P4HA1: variants seen among roughly 807,000 people sequenced by gnomAD.
P4HA1 encodes the protein prolyl 4-hydroxylase subunit alpha-1.
P4HA1 carries 24 observed loss-of-function variants against 72.8 expected under a neutral mutation model. The observed-to-expected ratio is 0.33, with a 90% CI of 0.24 to 0.46. The LOEUF (loss-of-function observed/expected upper bound fraction) is 0.46. P4HA1 is among the 20% of genes least tolerant of loss of function. The probability of loss-of-function intolerance (pLI) is 1.00; values close to 1 mark genes in which losing one functional copy is unlikely to be tolerated. For synonymous variants in P4HA1, 201 were observed against 218.8 expected, an observed-to-expected ratio of 0.92 and a Z score of 0.72; for missense variants, 446 against 640.6, an observed-to-expected ratio of 0.70 and a Z score of 3.28.
intron 10 of P4HA1, among the ~76,000 whole-genome samples, chr10:73,019,388 T>C (rs1466119008): frequency 2.0e-5 from 3 of 151,996 alleles, no homozygotes; most frequent in African/African-American, 7.3e-5. Flanking sequence ...AATATGACAC[T>C]GCTGAGAATG....
At chr10:73,066,057 T>C (rs1841413720) in intron 5 of P4HA1, among the ~76,000 whole-genome samples, 1 of 152,174 alleles carries the variant, frequency 6.6e-6, no homozygotes, top group Admixed American at 6.5e-5. Context: ...ACGCACCAAG[T>C]TCAGAATAGT....
chr10:73,033,430 T>C (rs1468188461), intron 9 of P4HA1, among the ~76,000 whole-genome samples: 1 of 152,228 alleles, frequency 6.6e-6, no homozygotes, highest in East Asian at 1.9e-4. Flanking sequence ...ACTTTCTATC[T>C]ATGCTTTTGA....
At chr10:73,047,584 G>C in intron 7 of P4HA1, among the ~76,000 whole-genome samples, 1 of 138,318 alleles carries the variant, frequency 7.2e-6, no homozygotes, top group Admixed American at 7.2e-5. Context: ...ATTTTTTTAA[G>C]GGCAAAATAA....
intron 10 of P4HA1, among the ~76,000 whole-genome samples, chr10:73,026,762 AC>A (rs1840280778): frequency 6.6e-6 from 1 of 152,248 alleles, no homozygotes; most frequent in African/African-American, 2.4e-5. Context: ...CAAGAAAAAA[AC>A]AACCCCATCA....
chr10:73,021,160 A>G (rs79188145), intron 10 of P4HA1, among the ~76,000 whole-genome samples: 32,592 of 151,974 alleles, frequency 0.21, 6,605 homozygotes, highest in African/African-American at 0.52. Context: ...AAAAAACCCA[A>G]AAATAACAGA....
chr10:73,054,735 A>G (rs1406976525), intron 5 of P4HA1, among the ~76,000 whole-genome samples: 9 of 152,180 alleles, frequency 5.9e-5, no homozygotes, highest in Admixed American at 3.9e-4. Flanking sequence ...TGAAATTCCA[A>G]TTTCTCCACA....
At chr10:73,050,027 A>C (rs1052288725) in intron 7 of P4HA1, among the ~76,000 whole-genome samples, 28 of 152,082 alleles carry the variant, frequency 1.8e-4, no homozygotes, top group Non-Finnish European at 5.9e-5. Flanking sequence ...TTAGCCGGGC[A>C]TGGTGGCGAA....
chr10:73,077,554 C>A (rs562014106), intron 1 of P4HA1, among the ~76,000 whole-genome samples: 1 of 152,128 alleles, frequency 6.6e-6, no homozygotes, highest in African/African-American at 2.4e-5. Flanking sequence ...GAATAAATAT[C>A]TTTACCTTAC....
At position 73,008,160 on chromosome 10, in the gene P4HA1, A is replaced by G; in HGVS notation, c.*62T>C. The G allele has an allele frequency of 1.0e-6, 1 of 973,644 alleles. No homozygotes were observed. The allele number at this position is 973,644 out of a possible 1,614,324, so 60.3% of individuals were successfully genotyped here. A position where few individuals can be genotyped will look rare whatever the true frequency, so the allele number is the denominator to read the frequency against. On this transcript the variant is annotated 3_prime_UTR_variant, in exon 15 of 15. Transcript: ENST00000394890. ...TTGTAAACTCCTGAAAGTTAAGACT[A>G]GGAAATGTGTATATCAGACACATAA...
chr10:73,077,988 C>CAA (rs757941139), intron 1 of P4HA1, among the ~76,000 whole-genome samples: 6 of 46,670 alleles, frequency 1.3e-4, no homozygotes, highest in Admixed American at 2.6e-4. Context: ...GACCCCATCT[C>CAA]AAAAAAAAAA....
At chr10:73,012,882 G>A (rs1479311989) in intron 12 of P4HA1, among the ~76,000 whole-genome samples, 5 of 152,072 alleles carry the variant, frequency 3.3e-5, no homozygotes, top group African/African-American at 1.2e-4. Context: ...TGCAACCTCT[G>A]CCTCCCAGGT....
chr10:73,058,871 G>A (rs1257584400), intron 5 of P4HA1, among the ~76,000 whole-genome samples: 3 of 148,074 alleles, frequency 2.0e-5, no homozygotes, highest in South Asian at 2.1e-4. Context: ...GTGCCCCGCC[G>A]GGTTCAAGAA....
At chr10:73,095,288 C>G (rs951722223) in intron 1 of P4HA1, among the ~76,000 whole-genome samples, 5 of 124,706 alleles carry the variant, frequency 4.0e-5, no homozygotes, top group African/African-American at 1.5e-4. Context: ...CACATGAAGA[C>G]AAAATATAGT....
intron 9 of P4HA1, among the ~76,000 whole-genome samples, chr10:73,030,602 T>C (rs1452829131): frequency 6.6e-6 from 1 of 152,146 alleles, no homozygotes; most frequent in Admixed American, 6.5e-5. Flanking sequence ...AAATTTATTA[T>C]AATGCTTATA....
At chr10:73,065,928 T>TAA (rs1841410054) in intron 5 of P4HA1, among the ~76,000 whole-genome samples, 2 of 151,988 alleles carry the variant, frequency 1.3e-5, no homozygotes, top group South Asian at 4.1e-4. Flanking sequence ...TTACTGAAAA[T>TAA]ATTAGGTTAA....
chr10:73,027,711 GAAGA>G (rs922443630), intron 10 of P4HA1, among the ~76,000 whole-genome samples: 6 of 143,352 alleles, frequency 4.2e-5, no homozygotes, highest in Admixed American at 7.0e-5. Flanking sequence ...GGAAGAGAGA[GAAGA>G]AAGAAAGGAA....
chr10:73,021,370 T>C (rs1840131389), intron 10 of P4HA1, among the ~76,000 whole-genome samples: 1 of 152,194 alleles, frequency 6.6e-6, no homozygotes, highest in Non-Finnish European at 1.5e-5. Flanking sequence ...CGCATTCCCA[T>C]GTTTATTGCA....
chr10:73,030,714 T>C (rs1840414184), intron 9 of P4HA1, among the ~76,000 whole-genome samples: 1 of 152,200 alleles, frequency 6.6e-6, no homozygotes, highest in African/African-American at 2.4e-5. Flanking sequence ...AACAACGTTC[T>C]TTCCAGGTAA....
At chr10:73,067,106 G>T (rs913072441) in intron 5 of P4HA1, among the ~76,000 whole-genome samples, 6 of 151,904 alleles carry the variant, frequency 3.9e-5, no homozygotes, top group Admixed American at 6.6e-5. Flanking sequence ...ACCCTCAAGG[G>T]ATCCTTTCCA....
Sources: gnomAD v4.1 joint callset for allele counts (sites outside exome capture counted in the v4.1 genomes callset) on GRCh38, gnomAD v4.1.1 for gene constraint, MANE v1.5 for transcripts, NCBI Gene and HGNC (gene_info 2026-07-23, HGNC 2026-07-21) for gene names.